The following AKAP3 variants were observed in gnomAD, a reference collection of about 807,000 sequenced individuals.
AKAP3 encodes the protein A-kinase anchor protein 3.
AKAP3 carries 27 observed loss-of-function variants against 57.2 expected under a neutral mutation model. The ratio of observed to expected loss-of-function variants is 0.47; its 90% CI spans 0.35 to 0.65. AKAP3 has a LOEUF of 0.65. Ranked by LOEUF, AKAP3 falls within the 30% of genes least tolerant of loss-of-function variation. The pLI is 0.01. For missense variants in AKAP3, 959 were observed against 1,040.0 expected, an observed-to-expected ratio of 0.92 and a Z score of 1.07; for synonymous variants, 334 against 392.3, an observed-to-expected ratio of 0.85 and a Z score of 1.76.
chr12:4,642,420 A>C (rs532332269), intron 2 of AKAP3, among the ~76,000 whole-genome samples: 1 of 152,328 alleles, frequency 6.6e-6, no homozygotes, highest in South Asian at 2.1e-4. Flanking sequence ...ACTTGAGAGA[A>C]ATACACACCC....
chr12:4,638,201 A>G lies in AKAP3; in HGVS notation c.1-5T>C, dbSNP rs1945589984. On this transcript the variant is annotated splice_polypyrimidine_tract_variant and splice_region_variant and intron_variant, in intron 3 of 5. Coordinates refer to ENST00000228850, the MANE Select transcript of AKAP3 (RefSeq NM_001278309.2). ...CCAGTCAACCTTTTCTGACATCTGG[A>G]AGCAGGGGAAAAAAATGAGAAAGGG... 6.3e-7 allele frequency: 1 copy of G among 1,594,966 alleles called. No homozygotes were observed. Among genetic ancestry groups the G allele is most frequent in the Non-Finnish European group, 8.6e-7 (1 of 1,168,390 alleles).
intron 2 of AKAP3, among the ~76,000 whole-genome samples, chr12:4,644,826 A>G (rs1945679372): frequency 2.0e-5 from 3 of 152,182 alleles, no homozygotes; most frequent in South Asian, 2.1e-4. Context: ...AGGCAGAGGA[A>G]TCACTTGAAT....
At position 4,628,879 on chromosome 12, in the gene AKAP3, C is replaced by T. The variant is rs185219274; in HGVS notation, c.97-74G>A. 6.7e-3 allele frequency: 9,949 copies of T among 1,474,556 alleles called. 64 individuals carry two copies. The highest frequency in any genetic ancestry group is 0.016 in the South Asian group (1,122 of 70,822). The allele number at this position is 1,474,556 out of a possible 1,614,324, so 91.3% of individuals were successfully genotyped here. ...GGATATTCAAGACAACCTCAAAGTT[C>T]AGTTACAAATGTCATCAGCCCTCTC... On this transcript the variant is annotated intron_variant, in intron 4 of 5. Transcript: ENST00000228850.
intron 4 of AKAP3, among the ~76,000 whole-genome samples, chr12:4,633,190 G>T (rs548704570): frequency 6.6e-6 from 1 of 151,448 alleles, no homozygotes. Flanking sequence ...GGGAGGCTGA[G>T]GAGGGCAGAT....
At chr12:4,617,766 A>AG (rs1487917590) in intron 5 of AKAP3, among the ~76,000 whole-genome samples, 3 of 152,024 alleles carry the variant, frequency 2.0e-5, no homozygotes, top group African/African-American at 7.3e-5. Context: ...AAAAAAAAAA[A>AG]AAGTGTTTTA....
rs1480794434 is a variant in AKAP3 at position 4,628,808 on chromosome 12, TA to T, written c.97-4del. 6.3e-7 allele frequency: 1 copy of T among 1,594,524 alleles called. No individual in the cohort carries two copies. The highest frequency in any genetic ancestry group is 1.1e-5 in the South Asian group (1 of 89,550). ...CTGACAGGATCCGTGGAGGTGTCCT[TA>T]AAAATAGACAAGGATTCATCTGACT... On this transcript the variant is annotated splice_polypyrimidine_tract_variant and splice_region_variant and intron_variant, in intron 4 of 5. Transcript: ENST00000228850.
intron 2 of AKAP3, among the ~76,000 whole-genome samples, chr12:4,644,364 G>C (rs931556371): frequency 6.6e-6 from 1 of 152,130 alleles, no homozygotes; most frequent in African/African-American, 2.4e-5. Flanking sequence ...TTTTGCTCTT[G>C]GGGCACTGGA....
Position 4,627,490 on chromosome 12 carries a change from G to A in AKAP3, c.1412C>T (p.Ser471Phe). The A allele has an allele frequency of 6.2e-7, 1 of 1,614,154 alleles. No homozygotes were observed. The highest frequency in any genetic ancestry group is 8.5e-7 in the Non-Finnish European group (1 of 1,180,000). The change falls in exon 5 of 6, where the codon TCT (serine) becomes TTT (phenylalanine). Residue 471 changes from serine (S) to phenylalanine (F), a missense_variant. By Grantham distance (155) the Ser-to-Phe change is radical. Coordinates refer to ENST00000228850, the MANE Select transcript of AKAP3 (RefSeq NM_001278309.2). The part of the protein sequence containing the change: ...WHKTQQKECK[S>F]LGFQHAAFEA... ...AAATGCTGCATGCTGGAAACCTAGA[G>A]ATTTACATTCTTTCTGCTGAGTTTT...
chr12:4,615,596 T>A lies in AKAP3; in HGVS notation c.*143A>T. 1 of 1,080,422 alleles carries A rather than the reference T, an allele frequency of 9.3e-7. No individual in the cohort carries two copies. Among genetic ancestry groups the A allele is most frequent in the Non-Finnish European group, 1.3e-6 (1 of 775,822 alleles). The allele number at this position is 1,080,422 out of a possible 1,614,324, so 66.9% of individuals were successfully genotyped here. ...GCAAAATCCAGTGGCTAGCACAAGA[T>A]GACATGTCTTTGATGAGAGTGGTGT... On this transcript the variant is annotated 3_prime_UTR_variant, in exon 6 of 6. Transcript: ENST00000228850.
At chr12:4,623,437 ACAC>A (rs1408642429) in intron 5 of AKAP3, among the ~76,000 whole-genome samples, 1 of 152,260 alleles carries the variant, frequency 6.6e-6, no homozygotes, top group Admixed American at 6.5e-5. Context: ...ATAAAAAAGA[ACAC>A]AGCCATTTCC....
In AKAP3 at chr12:4,628,814, T is replaced by C. The variant is rs765132647; in HGVS notation, c.97-9A>G. ...GGATCCGTGGAGGTGTCCTTAAAAA[T>C]AGACAAGGATTCATCTGACTATAAC... On this transcript the variant is annotated splice_polypyrimidine_tract_variant and intron_variant, in intron 4 of 5. Transcript: ENST00000228850. 1.0e-5 allele frequency: 16 copies of C among 1,592,430 alleles called. No individual in the cohort carries two copies. The East Asian group carries it at 2.7e-4, about 27-fold the overall frequency.
rs932531795 is a variant in AKAP3 at position 4,626,422 on chromosome 12, A to C, written c.2406+74T>G. 6 of 1,502,490 alleles carry C rather than the reference A, an allele frequency of 4.0e-6. No individual in the cohort carries two copies. The African/African-American group carries it at 5.6e-5, about 14-fold the overall frequency. 93.1% of individuals were successfully genotyped at this position (1,502,490 alleles called of 1,614,324 possible). A position where few individuals can be genotyped will look rare whatever the true frequency, so the allele number is the denominator to read the frequency against. ...CTTCTCTGTGGCTATCTTCCCATTC[A>C]GAAAGAAACCAGAACTTAAAGCCCT... On this transcript the variant is annotated intron_variant, in intron 5 of 5. Coordinates refer to ENST00000228850, the MANE Select transcript of AKAP3 (RefSeq NM_001278309.2).
chr12:4,629,585 G>A (rs1945472404), intron 4 of AKAP3, among the ~76,000 whole-genome samples: 2 of 152,066 alleles, frequency 1.3e-5, no homozygotes. Flanking sequence ...CATGACACAC[G>A]TTTACCTATG....
chr12:4,636,316 T>C (rs920366005), intron 4 of AKAP3, among the ~76,000 whole-genome samples: 5 of 152,040 alleles, frequency 3.3e-5, no homozygotes, highest in African/African-American at 9.7e-5. Context: ...AGGACGAGAG[T>C]GTGTCTATGG....
At chr12:4,637,918 G>A (rs568073041) in intron 4 of AKAP3, among the ~76,000 whole-genome samples, 183 bp downstream of exon 4, 10 of 152,144 alleles carry the variant, frequency 6.6e-5, no homozygotes, top group African/African-American at 2.4e-4. Flanking sequence ...ACCATAGGAT[G>A]GGAATTTTTT....
chr12:4,641,459 C>T (rs561226445), intron 3 of AKAP3, among the ~76,000 whole-genome samples: 2 of 152,296 alleles, frequency 1.3e-5, no homozygotes, highest in East Asian at 3.9e-4. Flanking sequence ...AGTGATCCGC[C>T]AGCCTTGGCC....
At chr12:4,635,471 C>T (rs1172192430) in intron 4 of AKAP3, 1 of 686,084 alleles carries the variant, frequency 1.5e-6, no homozygotes. Flanking sequence ...TTGCCACGAA[C>T]ATTTCATTTA....
chr12:4,638,178 A>G lies in AKAP3; in HGVS notation c.19T>C (p.Trp7Arg). ...CATACTCCATTTTGGCTTTGTAACC[A>G]GTCAACCTTTTCTGACATCTGGAAG... MSEKVDWLQSQNGVCKV... is the reference protein window; with the variant it reads MSEKVDRLQSQNGVCKV... Residue 7 changes from tryptophan to arginine, a missense_variant, in exon 4 of 6, where the codon TGG becomes CGG. Trp to Arg is a moderately radical substitution (Grantham distance 101). Transcript: ENST00000228850. 6.2e-7 allele frequency: 1 copy of G among 1,611,746 alleles called. No homozygotes were observed. The highest frequency in any genetic ancestry group is 8.5e-7 in the Non-Finnish European group (1 of 1,179,102).
chr12:4,630,193 A>T (rs1367286192), intron 4 of AKAP3, among the ~76,000 whole-genome samples: 5 of 152,192 alleles, frequency 3.3e-5, no homozygotes, highest in Non-Finnish European at 5.9e-5. Context: ...TATAGTTACT[A>T]GTTACTATTT....
Sources: allele counts gnomAD v4.1 joint callset (sites outside exome capture counted in the v4.1 genomes callset), GRCh38; gene constraint gnomAD v4.1.1; transcripts MANE v1.5; gene names NCBI Gene and HGNC (gene_info 2026-07-23, HGNC 2026-07-21).